The following CLSTN2 variants were observed in gnomAD, a reference collection of about 807,000 sequenced individuals.
CLSTN2 encodes the protein calsyntenin-2.
Under a neutral mutation model 101.2 loss-of-function variants are expected in CLSTN2, and 48 were observed. The observed-to-expected ratio is 0.47, with a 90% CI of 0.38 to 0.60. CLSTN2 has a LOEUF of 0.60. Among genes scored for constraint, CLSTN2 ranks in the 20% least tolerant of loss-of-function variants. CLSTN2 has a pLI of 0.00. For synonymous variants in CLSTN2, 481 were observed against 463.6 expected, an observed-to-expected ratio of 1.04 and a Z score of -0.48; for missense variants, 1,160 against 1,238.2, an observed-to-expected ratio of 0.94 and a Z score of 0.95.
intron 2 of CLSTN2, among the ~76,000 whole-genome samples, chr3:140,179,385 G>A (rs1303882773): frequency 1.3e-5 from 2 of 150,514 alleles, no homozygotes; most frequent in South Asian, 4.2e-4. Flanking sequence ...GGGAGGCTGA[G>A]GAGGGGAGGA....
chr3:140,206,596 C>T (rs1441154747), intron 2 of CLSTN2, among the ~76,000 whole-genome samples: 15 of 152,190 alleles, frequency 9.9e-5, no homozygotes. Flanking sequence ...TAAATTAGCT[C>T]CCCAAAGCAA....
intron 2 of CLSTN2, among the ~76,000 whole-genome samples, chr3:140,259,227 A>G (rs900021457): frequency 1.3e-5 from 2 of 151,468 alleles, no homozygotes; most frequent in Non-Finnish European, 1.5e-5. Flanking sequence ...AATCCTAAGC[A>G]CTCTGGGAGG....
intron 1 of CLSTN2, among the ~76,000 whole-genome samples, chr3:139,978,611 T>A (rs1935859898): frequency 6.6e-6 from 1 of 150,974 alleles, no homozygotes; most frequent in South Asian, 2.1e-4. Flanking sequence ...CAAAGTACAA[T>A]ATAACTAACT....
chr3:140,377,042 A>AGAGAGAGAGAGAGAGATG (rs143529942), intron 2 of CLSTN2, among the ~76,000 whole-genome samples: 1 of 149,686 alleles, frequency 6.7e-6, no homozygotes, highest in Non-Finnish European at 1.5e-5. Flanking sequence ...GAGAGAGAGG[A>AGAGAGAGAGAGAGAGATG]TGTGTGTGTG....
At chr3:140,050,644 AC>A (rs961230570) in intron 1 of CLSTN2, among the ~76,000 whole-genome samples, 7 of 152,150 alleles carry the variant, frequency 4.6e-5, no homozygotes, top group African/African-American at 1.7e-4. Flanking sequence ...AAATACTCTA[AC>A]CTTTTGTTCC....
chr3:140,108,022 G>T (rs1003742187), intron 1 of CLSTN2, among the ~76,000 whole-genome samples: 8 of 152,176 alleles, frequency 5.3e-5, no homozygotes, highest in African/African-American at 1.9e-4. Flanking sequence ...GCAATGAGTG[G>T]TTGATAAGGG....
chr3:140,122,458 C>A (rs2009358732), intron 1 of CLSTN2, among the ~76,000 whole-genome samples: 1 of 152,168 alleles, frequency 6.6e-6, no homozygotes, highest in Non-Finnish European at 1.5e-5. Flanking sequence ...TCATGGACTC[C>A]TGATTCACAG....
In CLSTN2 at chr3:139,960,120, G is replaced by A. The variant is rs144630259; in HGVS notation, c.109+24637G>A. 1.6e-4 allele frequency among the ~76,000 whole-genome samples: 24 copies of A among 152,228 alleles called. No homozygotes were observed. In the South Asian group the frequency reaches 3.7e-3, roughly 24 times the overall value. On this transcript the variant is annotated intron_variant, in intron 1 of 16. Transcript: ENST00000458420. ...ACCAGCTTTTAGTGGGAGAGGGAAG[G>A]GAAAGCCCTCTGATTTGTAGCATTT... is the stretch of plus-strand genomic sequence containing the variant.
At chr3:140,312,233 C>T (rs2087176013) in intron 2 of CLSTN2, among the ~76,000 whole-genome samples, 1 of 152,214 alleles carries the variant, frequency 6.6e-6, no homozygotes, top group Non-Finnish European at 1.5e-5. Flanking sequence ...CTTTACTTTA[C>T]CAGTCGGAAT....
intron 8 of CLSTN2, among the ~76,000 whole-genome samples, chr3:140,514,768 T>G (rs1056580471): frequency 1.3e-5 from 2 of 152,202 alleles, no homozygotes; most frequent in African/African-American, 4.8e-5. Flanking sequence ...TGTTCTCTTT[T>G]CACCACATCC....
At chr3:140,178,267 A>G (rs934182942) in intron 2 of CLSTN2, among the ~76,000 whole-genome samples, 3 of 152,236 alleles carry the variant, frequency 2.0e-5, no homozygotes, top group African/African-American at 7.2e-5. Flanking sequence ...CAAATCTGGT[A>G]TTTGAAAGTT....
At chr3:140,386,857 T>C (rs2088057928) in intron 2 of CLSTN2, among the ~76,000 whole-genome samples, 3 of 152,176 alleles carry the variant, frequency 2.0e-5, no homozygotes, top group African/African-American at 7.2e-5. Context: ...AAGTATGAAC[T>C]TACACAAGCA....
At chr3:140,284,528 C>G (rs1227689282) in intron 2 of CLSTN2, among the ~76,000 whole-genome samples, 1 of 152,092 alleles carries the variant, frequency 6.6e-6, no homozygotes, top group African/African-American at 2.4e-5. Flanking sequence ...GTCCTTGAAT[C>G]AGGCCTGTGT....
intron 2 of CLSTN2, among the ~76,000 whole-genome samples, chr3:140,233,651 G>A (rs1262166008): frequency 2.6e-5 from 4 of 152,166 alleles, no homozygotes; most frequent in African/African-American, 9.7e-5. Context: ...TGCCATAAAT[G>A]GTCTCATACT....
At chr3:140,418,366 C>T (rs1432191129) in intron 4 of CLSTN2, among the ~76,000 whole-genome samples, 7 of 152,130 alleles carry the variant, frequency 4.6e-5, no homozygotes, top group Non-Finnish European at 1.0e-4. Flanking sequence ...GCTAGAAACA[C>T]ATCAAACACG....
intron 1 of CLSTN2, among the ~76,000 whole-genome samples, chr3:139,974,149 C>A (rs1476425799): frequency 6.6e-6 from 1 of 152,190 alleles, no homozygotes; most frequent in African/African-American, 2.4e-5. Context: ...TCGACCCAAG[C>A]CCAAAGTGCT....
At chr3:139,992,952 A>G (rs545331292) in intron 1 of CLSTN2, among the ~76,000 whole-genome samples, 1 of 152,212 alleles carries the variant, frequency 6.6e-6, no homozygotes, top group South Asian at 2.1e-4. Flanking sequence ...TCTGCATCCT[A>G]TTGGGACGAA....
At chr3:139,998,776 CAG>C (rs1394722772) in intron 1 of CLSTN2, among the ~76,000 whole-genome samples, 3 of 152,104 alleles carry the variant, frequency 2.0e-5, no homozygotes, top group Admixed American at 6.5e-5. Flanking sequence ...TTCAGAACTG[CAG>C]AGTCTCACCA....
rs978086271 is a variant in CLSTN2, at chr3:139,935,442, G to A, written c.68G>A (p.Gly23Asp). 164 of 1,231,648 alleles carry A rather than the reference G, an allele frequency of 1.3e-4. No individual in the cohort carries two copies. The highest frequency in any genetic ancestry group is 1.6e-4 in the Non-Finnish European group (159 of 987,554). The allele number at this position is 1,231,648 out of a possible 1,614,324, so 76.3% of individuals were successfully genotyped here. The change falls in exon 1 of 17, where the codon GGT (glycine) becomes GAT (aspartate). Residue 23 changes from glycine to aspartate, a missense_variant. By Grantham distance (94) the Gly-to-Asp change is moderately conservative. Transcript: ENST00000458420. The surrounding 1 kb of genome is among the most constrained non-coding windows in gnomAD (Gnocchi z 5.5). ...LALGVGSGSG[G>D]GGDSRQRRLL... ...CTGGGCGTGGGGAGCGGCAGCGGCG[G>A]TGGCGGGGACAGCCGGCAGCGCCGC...
Sources: gnomAD v4.1 joint callset for allele counts (sites outside exome capture counted in the v4.1 genomes callset) on GRCh38, gnomAD v4.1.1 for gene constraint, Gnocchi (gnomAD v3.1) non-coding constraint, MANE v1.5 for transcripts, NCBI Gene and HGNC (gene_info 2026-07-23, HGNC 2026-07-21) for gene names.